Variants in JAKMIP2 observed in about 807,000 individuals in gnomAD.
JAKMIP2 encodes janus kinase and microtubule-interacting protein 2.
In JAKMIP2, 25 loss-of-function variants were observed where a neutral mutation model predicts 115.0. The observed-to-expected ratio is 0.22, with a 90% confidence interval of 0.16 to 0.30. The LOEUF (loss-of-function observed/expected upper bound fraction) is 0.30, where lower values mean the gene tolerates loss of function less well. JAKMIP2 is among the 10% of genes least tolerant of loss of function. The pLI is 1.00. For missense variants in JAKMIP2, 642 were observed against 957.6 expected (o/e 0.67, Z 4.35); for synonymous variants, 334 against 343.6 (o/e 0.97, Z 0.31).
chr5:147,732,696 C>T (rs1039348160), intron 1 of JAKMIP2, among the ~76,000 whole-genome samples: 4 of 152,090 alleles, frequency 2.6e-5, no homozygotes, highest in Non-Finnish European at 5.9e-5. Flanking sequence ...CTCACAAAAC[C>T]CCACAATGTA....
intron 1 of JAKMIP2, among the ~76,000 whole-genome samples, chr5:147,719,840 C>T (rs1033071476): frequency 1.3e-5 from 2 of 151,936 alleles, no homozygotes; most frequent in Admixed American, 6.6e-5. Flanking sequence ...AGCATTTAGT[C>T]CATTTACATT....
At chr5:147,756,836 G>A (rs1033844306) in intron 1 of JAKMIP2, among the ~76,000 whole-genome samples, 3 of 152,130 alleles carry the variant, frequency 2.0e-5, no homozygotes, top group African/African-American at 2.4e-5. Flanking sequence ...CAGCAGAAGT[G>A]CAGAGTAGGG....
intron 1 of JAKMIP2, among the ~76,000 whole-genome samples, chr5:147,721,181 C>T (rs954752122): frequency 6.6e-5 from 10 of 151,546 alleles, no homozygotes; most frequent in African/African-American, 1.9e-4. Flanking sequence ...AGTCAGGGAC[C>T]CACTTGAGGA....
intron 1 of JAKMIP2, among the ~76,000 whole-genome samples, chr5:147,759,736 AG>A (rs1474070919): frequency 3.3e-5 from 5 of 152,142 alleles, no homozygotes; most frequent in Non-Finnish European, 1.5e-5. Flanking sequence ...TCTGATTAAC[AG>A]GAAGAGGAAG....
intron 2 of JAKMIP2, among the ~76,000 whole-genome samples, chr5:147,662,223 A>G (rs1759035069): frequency 6.6e-6 from 1 of 151,596 alleles, no homozygotes; most frequent in African/African-American, 2.4e-5. Flanking sequence ...ACTGCAGATC[A>G]TTGGGTCCTC....
rs1337600335 is a variant in JAKMIP2 at position 147,625,362 on chromosome 5, A to AG, written c.1996-1674dup. 2.0e-5 allele frequency among the ~76,000 whole-genome samples: 3 copies of AG among 152,170 alleles called. No individual in the cohort carries two copies. The East Asian group carries it at 5.8e-4, about 29-fold the overall frequency. ...ATACACAACAGCCTTGATACTTACA[A>AG]GGGGATACCATGTTCAACCACTCCT... On this transcript the variant is annotated intron_variant, in intron 16 of 21. Coordinates refer to ENST00000616793, the MANE Select transcript of JAKMIP2 (RefSeq NM_001270941.2).
intron 21 of JAKMIP2, among the ~76,000 whole-genome samples, chr5:147,597,175 G>A (rs919773265): frequency 6.6e-5 from 10 of 151,952 alleles, no homozygotes; most frequent in East Asian, 3.9e-4. Flanking sequence ...GAGCCACCGC[G>A]CCTGGCCGAT....
chr5:147,644,842 A>G lies in JAKMIP2; in HGVS notation c.1083+8T>C. 1 of 1,612,540 alleles carries G rather than the reference A, an allele frequency of 6.2e-7. No homozygotes were observed. The highest frequency in any genetic ancestry group is 2.2e-5 in the East Asian group (1 of 44,850). On this transcript the variant is annotated splice_region_variant and intron_variant, in intron 6 of 21. Coordinates refer to ENST00000616793, the MANE Select transcript of JAKMIP2 (RefSeq NM_001270941.2). ...AAGCTGCAGTTTTGCAGAGTCTGTG[A>G]TACACACCATTTCTGAATTTTCCTT...
At chr5:147,649,201 A>G (rs1424227527) in intron 4 of JAKMIP2, among the ~76,000 whole-genome samples, 2 of 152,200 alleles carry the variant, frequency 1.3e-5, no homozygotes, top group East Asian at 3.8e-4. Context: ...TACTGTTGAC[A>G]AAGTAGTTTC....
intron 1 of JAKMIP2, among the ~76,000 whole-genome samples, chr5:147,712,082 G>T (rs1382764719): frequency 2.0e-5 from 3 of 152,184 alleles, no homozygotes; most frequent in Non-Finnish European, 4.4e-5. Context: ...CTTAGAATCT[G>T]AATATTTATG....
intron 1 of JAKMIP2, among the ~76,000 whole-genome samples, chr5:147,708,911 G>C (rs913870094): frequency 1.3e-5 from 2 of 152,126 alleles, no homozygotes; most frequent in Non-Finnish European, 2.9e-5. Flanking sequence ...TGGCAAGTTG[G>C]CCTTACTCTT....
chr5:147,702,608 GAAA>G (rs1450782033), intron 1 of JAKMIP2, among the ~76,000 whole-genome samples: 9 of 14,864 alleles, frequency 6.1e-4, no homozygotes, highest in South Asian at 1.9e-3. Context: ...AAGAAGGAAA[GAAA>G]GAAAGAAAGA....
intron 1 of JAKMIP2, among the ~76,000 whole-genome samples, chr5:147,735,598 G>A (rs1382992069): frequency 2.0e-5 from 3 of 152,106 alleles, no homozygotes; most frequent in Admixed American, 6.5e-5. Context: ...CCCTTGACAC[G>A]TGGGGATTAT....
At chr5:147,633,986 G>A (rs766636525) in intron 12 of JAKMIP2, among the ~76,000 whole-genome samples, 5 of 152,112 alleles carry the variant, frequency 3.3e-5, no homozygotes, top group Non-Finnish European at 7.4e-5. Flanking sequence ...CATTGTGCCC[G>A]GCTGTCATCT....
intron 1 of JAKMIP2, among the ~76,000 whole-genome samples, chr5:147,674,557 G>T (rs1196936051): frequency 6.6e-6 from 1 of 152,160 alleles, no homozygotes. Flanking sequence ...GATAGGCTAG[G>T]GAGTTTGGAG....
rs748240850 is a variant in JAKMIP2, at chr5:147,587,218, T to C, written c.*4489A>G. On this transcript the variant is annotated 3_prime_UTR_variant, in exon 22 of 22. Transcript: ENST00000616793. ...CATAAACTCATGACATAAACAGTCATCTAAGATTTGCTTTGAATGTTTATC... is the reference window on the plus strand; with the variant it reads ...CATAAACTCATGACATAAACAGTCACCTAAGATTTGCTTTGAATGTTTATC... 2.6e-5 allele frequency: 4 copies of C among 152,194 alleles called. No individual in the cohort carries two copies. The highest frequency in any genetic ancestry group is 5.9e-5 in the Non-Finnish European group (4 of 68,040). 9.4% of individuals were successfully genotyped at this position (152,194 alleles called of 1,614,324 possible).
At chr5:147,709,538 A>G (rs984570250) in intron 1 of JAKMIP2, among the ~76,000 whole-genome samples, 31 of 152,208 alleles carry the variant, frequency 2.0e-4, no homozygotes, top group South Asian at 1.4e-3. Flanking sequence ...AAGTCAGTAT[A>G]AAGAAAGAAA....
intron 1 of JAKMIP2, among the ~76,000 whole-genome samples, chr5:147,697,405 T>A (rs1246339596): frequency 6.6e-6 from 1 of 152,182 alleles, no homozygotes; most frequent in Non-Finnish European, 1.5e-5. Flanking sequence ...GAGATAAAAC[T>A]GAAGTTGAGA....
At chr5:147,768,484 A>G (rs774774851) in intron 1 of JAKMIP2, among the ~76,000 whole-genome samples, 12 of 152,272 alleles carry the variant, frequency 7.9e-5, no homozygotes, top group Middle Eastern at 6.8e-3. Context: ...TCCCATTCAA[A>G]ATGTTCAAAT....
Sources: allele counts gnomAD v4.1 joint callset (sites outside exome capture counted in the v4.1 genomes callset), GRCh38; gene constraint gnomAD v4.1.1; transcripts MANE v1.5; gene names NCBI Gene and HGNC (gene_info 2026-07-23, HGNC 2026-07-21).